The following CSMD1 variants were observed in gnomAD, a reference collection of about 807,000 sequenced individuals.
CSMD1 encodes CUB and sushi domain-containing protein 1.
Under a neutral mutation model 417.5 loss-of-function variants are expected in CSMD1, and 213 were observed. The ratio of observed to expected loss-of-function variants is 0.51; its 90% CI spans 0.46 to 0.57. CSMD1 has a LOEUF of 0.57. Among genes scored for constraint, CSMD1 ranks in the 20% least tolerant of loss-of-function variants. The probability of loss-of-function intolerance (pLI) is 0.00; values close to 1 mark genes in which losing one functional copy is unlikely to be tolerated. For synonymous variants in CSMD1, 2,862 were observed against 1,736.8 expected, an observed-to-expected ratio of 1.65 and a Z score of -16.11; for missense variants, 6,923 against 4,529.7, an observed-to-expected ratio of 1.53 and a Z score of -15.17.
intron 1 of CSMD1, among the ~76,000 whole-genome samples, chr8:4,828,169 A>G (rs868576651): frequency 1.3e-5 from 2 of 152,276 alleles, no homozygotes; most frequent in Non-Finnish European, 1.5e-5. Flanking sequence ...TCCCACAAAT[A>G]CAGAGCTCAT....
At chr8:3,623,071 T>C (rs568714586) in intron 7 of CSMD1, among the ~76,000 whole-genome samples, 10 of 152,338 alleles carry the variant, frequency 6.6e-5, no homozygotes, top group African/African-American at 2.4e-4. Flanking sequence ...AATAGATTGG[T>C]TCATTACACA....
chr8:4,454,951 C>G (rs771836532), intron 2 of CSMD1, among the ~76,000 whole-genome samples: 1 of 152,104 alleles, frequency 6.6e-6, no homozygotes, highest in Admixed American at 6.5e-5. Flanking sequence ...CGCTTCTGTA[C>G]GTTGTTTCTT....
At chr8:4,069,979 C>G (rs1437065412) in intron 3 of CSMD1, among the ~76,000 whole-genome samples, 1 of 151,766 alleles carries the variant, frequency 6.6e-6, no homozygotes, top group East Asian at 1.9e-4. Flanking sequence ...TTTTTCTGTT[C>G]TTTCCTGCCT....
intron 49 of CSMD1, among the ~76,000 whole-genome samples, chr8:3,057,885 G>A (rs375913985): frequency 3.3e-4 from 50 of 152,030 alleles, no homozygotes; most frequent in Middle Eastern, 3.4e-3. Context: ...CTTATTTCCC[G>A]CGACACTGAA....
At chr8:3,505,083 G>A (rs1420808651) in intron 10 of CSMD1, among the ~76,000 whole-genome samples, 1 of 152,056 alleles carries the variant, frequency 6.6e-6, no homozygotes, top group Admixed American at 6.6e-5. Context: ...GAGAATTTCT[G>A]TAACCCCTGA....
chr8:4,221,673 C>G (rs186928734), intron 3 of CSMD1, among the ~76,000 whole-genome samples: 5 of 152,286 alleles, frequency 3.3e-5, no homozygotes, highest in East Asian at 1.9e-4. Context: ...AGGAGAGGCA[C>G]TGCCATTCCC....
At chr8:4,301,018 G>T (rs772050302) in intron 3 of CSMD1, among the ~76,000 whole-genome samples, 1 of 152,134 alleles carries the variant, frequency 6.6e-6, no homozygotes, top group African/African-American at 2.4e-5. Context: ...CTTTATAGCA[G>T]CATGATAAGA....
At chr8:3,650,329 A>G (rs185460804) in intron 7 of CSMD1, among the ~76,000 whole-genome samples, 1 of 152,308 alleles carries the variant, frequency 6.6e-6, no homozygotes, top group Non-Finnish European at 1.5e-5. Context: ...TTGAGTTTCA[A>G]GTTGAGTTAG....
At chr8:3,950,599 C>A (rs1389967341) in intron 5 of CSMD1, among the ~76,000 whole-genome samples, 1 of 152,180 alleles carries the variant, frequency 6.6e-6, no homozygotes, top group Admixed American at 6.5e-5. Context: ...TATGAAACCA[C>A]CATTAAGTCG....
intron 3 of CSMD1, among the ~76,000 whole-genome samples, chr8:4,297,715 C>T (rs1261351631): frequency 6.6e-6 from 1 of 152,060 alleles, no homozygotes; most frequent in African/African-American, 2.4e-5. Flanking sequence ...GTGATCGCCT[C>T]TGTGTTGGAA....
intron 1 of CSMD1, among the ~76,000 whole-genome samples, chr8:4,781,095 C>T (rs1024781805): frequency 2.6e-5 from 4 of 152,300 alleles, no homozygotes; most frequent in South Asian, 2.1e-4. Context: ...GATACACTCT[C>T]ATCTTCTGGT....
rs543577597 is a variant in CSMD1, at chr8:3,900,810, G to A, written c.818+97093C>T. The stretch of plus-strand genomic sequence containing the variant: ...GGTGACACAGCAGCTGGTTGACACT[G>A]CAGCCTTCTGTTCCAGAGCTTGCTC... On this transcript the variant is annotated intron_variant, in intron 5 of 69. Coordinates refer to ENST00000635120, the MANE Select transcript of CSMD1 (RefSeq NM_033225.6). Among the ~76,000 whole-genome samples the A allele has an allele frequency of 2.6e-5, 4 of 152,310 alleles. No individual in the cohort carries two copies. In the South Asian group the frequency reaches 6.2e-4, roughly 24 times the overall value.
chr8:4,553,757 G>C (rs1209408676), intron 2 of CSMD1, among the ~76,000 whole-genome samples: 1 of 152,134 alleles, frequency 6.6e-6, no homozygotes, highest in East Asian at 1.9e-4. Flanking sequence ...ATTTCTAACT[G>C]CTCAGAGTAA....
chr8:4,777,234 G>C (rs903918907), intron 1 of CSMD1, among the ~76,000 whole-genome samples: 2 of 152,210 alleles, frequency 1.3e-5, no homozygotes, highest in Non-Finnish European at 2.9e-5. Flanking sequence ...GAGAAGCAGA[G>C]CATCCTCTCT....
chr8:3,536,652 T>C (rs1454911933), intron 10 of CSMD1, among the ~76,000 whole-genome samples: 1 of 152,168 alleles, frequency 6.6e-6, no homozygotes, highest in Non-Finnish European at 1.5e-5. Flanking sequence ...TACCATCTAG[T>C]GGCAGTGGTC....
At chr8:4,885,773 G>C (rs906479659) in intron 1 of CSMD1, among the ~76,000 whole-genome samples, 1 of 151,628 alleles carries the variant, frequency 6.6e-6, no homozygotes, top group African/African-American at 2.4e-5. Context: ...TTTCCTGATG[G>C]TTTCCTTTCA....
intron 1 of CSMD1, among the ~76,000 whole-genome samples, chr8:4,862,798 TA>T (rs891058822): frequency 9.2e-5 from 14 of 152,170 alleles, no homozygotes; most frequent in Admixed American, 3.3e-4. Flanking sequence ...GGTGACAGCC[TA>T]AAGGGATTTG....
intron 50 of CSMD1, among the ~76,000 whole-genome samples, chr8:3,038,027 C>T (rs1024473417): frequency 2.6e-5 from 4 of 152,078 alleles, no homozygotes; most frequent in East Asian, 1.9e-4. Flanking sequence ...TTCTCTGGCC[C>T]GGCTTTCTTA....
chr8:3,925,635 C>T (rs1047569142), intron 5 of CSMD1, among the ~76,000 whole-genome samples: 11 of 152,014 alleles, frequency 7.2e-5, no homozygotes, highest in Admixed American at 3.3e-4. Flanking sequence ...CTCATGAGAT[C>T]TGATGGGCTT....
Sources: gnomAD v4.1 joint callset for allele counts (sites outside exome capture counted in the v4.1 genomes callset) on GRCh38, gnomAD v4.1.1 for gene constraint, MANE v1.5 for transcripts, NCBI Gene and HGNC (gene_info 2026-07-23, HGNC 2026-07-21) for gene names.